Variants in NR3C1 observed in about 807,000 individuals in gnomAD.
NR3C1 encodes the protein nuclear receptor subfamily 3 group C member 1.
A neutral mutation model predicts 74.0 loss-of-function variants in NR3C1; 14 were observed. The observed-to-expected ratio is 0.19, with a 90% confidence interval of 0.12 to 0.30. The LOEUF is 0.30. Ranked by LOEUF, NR3C1 falls within the 10% of genes least tolerant of loss-of-function variation. The probability of loss-of-function intolerance (pLI) is 1.00; values close to 1 mark genes in which losing one functional copy is unlikely to be tolerated. For synonymous variants in NR3C1, 308 were observed against 332.5 expected (o/e 0.93, Z 0.80); for missense variants, 695 against 909.8 (o/e 0.76, Z 3.04).
At chr5:143,414,791 A>G (rs775259869) in intron 1 of NR3C1, among the ~76,000 whole-genome samples, 1 of 152,214 alleles carries the variant, frequency 6.6e-6, no homozygotes. Context: ...TTGAATGGCT[A>G]TTTTGTGCTT....
At chr5:143,390,191 A>G (rs1304100237) in intron 2 of NR3C1, among the ~76,000 whole-genome samples, 2 of 152,208 alleles carry the variant, frequency 1.3e-5, no homozygotes, top group African/African-American at 4.8e-5. Flanking sequence ...AGTAGTAACA[A>G]AATTCATTTA....
At chr5:143,345,975 T>C (rs1424287463) in intron 2 of NR3C1, among the ~76,000 whole-genome samples, 1 of 152,192 alleles carries the variant, frequency 6.6e-6, no homozygotes, top group Non-Finnish European at 1.5e-5. Context: ...CTACTGATGA[T>C]GTTAAGTGAG....
chr5:143,404,470 T>G (rs1840936350), upstream of NR3C1: 1 of 984,950 alleles, frequency 1.0e-6, no homozygotes, highest in Admixed American at 6.2e-5. Flanking sequence ...GCTCTCGCAC[T>G]GGGAGAGAAG....
At position 143,426,456 on chromosome 5, in the gene NR3C1, T is replaced by C. The variant is rs78180178; in HGVS notation, c.-14+8076A>G. 9.1e-4 allele frequency among the ~76,000 whole-genome samples: 138 copies of C among 152,358 alleles called. 1 individual carries two copies. Among genetic ancestry groups the C allele is most frequent in the African/African-American group, 3.2e-3 (134 of 41,586 alleles). On this transcript the variant is annotated intron_variant, in intron 1 of 8. Transcript: ENST00000343796. The stretch of plus-strand genomic sequence containing the variant: ...CTATTTTCTTTGGAATGTTGATACA[T>C]TGATACAAATCAGCTAAAATAATAA...
At chr5:143,434,574 C>G in exon 1 of NR3C1, 2 of 985,406 alleles carry the variant, frequency 2.0e-6, no homozygotes, top group Non-Finnish European at 2.4e-6. Context: ...CTTCTTTGTT[C>G]TTTGAGGAAA....
At chr5:143,291,913 T>TA in intron 7 of NR3C1, among the ~76,000 whole-genome samples, 1 of 152,246 alleles carries the variant, frequency 6.6e-6, no homozygotes, top group East Asian at 1.9e-4. Context: ...GTAAATTCCC[T>TA]ATCTGATAAT....
chr5:143,284,211 G>A (rs1813775654), intron 7 of NR3C1, among the ~76,000 whole-genome samples: 1 of 152,082 alleles, frequency 6.6e-6, no homozygotes, highest in South Asian at 2.1e-4. Context: ...CTCCCAAAGT[G>A]CTGGGATTTC....
At chr5:143,336,609 A>G (rs1827168330) in intron 2 of NR3C1, among the ~76,000 whole-genome samples, 1 of 152,200 alleles carries the variant, frequency 6.6e-6, no homozygotes, top group South Asian at 2.1e-4. Context: ...TTTTTATAGA[A>G]ATGGTAGGTC....
chr5:143,386,285 C>A (rs1180984394), intron 2 of NR3C1, among the ~76,000 whole-genome samples: 1 of 152,138 alleles, frequency 6.6e-6, no homozygotes, highest in African/African-American at 2.4e-5. Flanking sequence ...GGTGGGGATA[C>A]AGAGCCAAAC....
chr5:143,382,786 T>C (rs1836491564), intron 2 of NR3C1, among the ~76,000 whole-genome samples: 1 of 152,214 alleles, frequency 6.6e-6, no homozygotes, highest in Non-Finnish European at 1.5e-5. Context: ...TACTTCTTCG[T>C]GGTTTGTGTA....
chr5:143,364,076 C>A (rs747302916), intron 2 of NR3C1, among the ~76,000 whole-genome samples: 2 of 152,122 alleles, frequency 1.3e-5, no homozygotes, highest in Non-Finnish European at 2.9e-5. Flanking sequence ...TAATAAAGTA[C>A]ACACCTAAAT....
At chr5:143,380,687 T>G (rs1836052149) in intron 2 of NR3C1, among the ~76,000 whole-genome samples, 1 of 152,024 alleles carries the variant, frequency 6.6e-6, no homozygotes, top group Non-Finnish European at 1.5e-5. Context: ...GAGAGCCAAA[T>G]AGGAAGCATA....
In NR3C1 at chr5:143,400,172, C is replaced by G. The variant is rs1328010001; in HGVS notation, c.668G>C (p.Cys223Ser). Residue 223 changes from cysteine to serine, a missense_variant, in exon 2 of 9, where the codon TGT becomes TCT. By Grantham distance (112) the Cys-to-Ser change is moderately radical. Transcript: ENST00000394464. ...WRSDLLIDEN[C>S]LLSPLAGEDD... is the part of the protein sequence containing the mutation. ...TTCTCCCGCCAGAGGAGAAAGCAAACAGTTTTCATCTATCAACAGGTCTGA... is the reference window on the plus strand; with the variant it reads ...TTCTCCCGCCAGAGGAGAAAGCAAAGAGTTTTCATCTATCAACAGGTCTGA... The G allele has an allele frequency of 6.2e-7, 1 of 1,613,994 alleles. No individual in the cohort carries two copies. The highest frequency in any genetic ancestry group is 1.1e-5 in the South Asian group (1 of 91,084).
chr5:143,360,989 C>A (rs1036698268), intron 2 of NR3C1, among the ~76,000 whole-genome samples: 1 of 152,154 alleles, frequency 6.6e-6, no homozygotes, highest in Non-Finnish European at 1.5e-5. Flanking sequence ...AACAAATAAG[C>A]TATCCTATAG....
intron 1 of NR3C1, chr5:143,402,801 G>A (rs1840574124): frequency 1.0e-6 from 1 of 985,312 alleles, no homozygotes; most frequent in African/African-American, 1.7e-5. Context: ...CAAATATTCG[G>A]GCGAGTAAAA....
intron 2 of NR3C1, among the ~76,000 whole-genome samples, chr5:143,399,015 G>A (rs1839761864): frequency 6.6e-6 from 1 of 152,160 alleles, no homozygotes; most frequent in Non-Finnish European, 1.5e-5. Context: ...AGATTGATCA[G>A]CAGACATAAC....
rs762480353 is a variant in NR3C1 at position 143,400,724 on chromosome 5, A to G, written c.116T>C (p.Val39Ala). The G allele has an allele frequency of 6.2e-7, 1 of 1,614,208 alleles. No homozygotes were observed. Among genetic ancestry groups the G allele is most frequent in the Non-Finnish European group, 8.5e-7 (1 of 1,180,030 alleles). ...TGAGGGTGAAGACGCAGAAACCTTC[A>G]CAGTAGCTCCTCCTCTTAGGGTTTT... is the stretch of plus-strand genomic sequence containing the variant. ...FYKTLRGGAT[V>A]KVSASSPSLA... Residue 39 changes from valine to alanine, a missense_variant, in exon 2 of 9, where the codon GTG (valine) becomes GCG (alanine). Physicochemically the swap from Val to Ala is moderately conservative, Grantham distance 64. This residue lies in a region of NR3C1 where 497 missense variants were observed against 489.5 expected (regional missense o/e 1.02). Transcript: ENST00000394464.
At chr5:143,350,451 G>C (rs938595083) in intron 2 of NR3C1, among the ~76,000 whole-genome samples, 1 of 152,122 alleles carries the variant, frequency 6.6e-6, no homozygotes, top group African/African-American at 2.4e-5. Context: ...TCTGCTTTGG[G>C]GTTGATAGCA....
At chr5:143,360,062 A>C (rs1831941520) in intron 2 of NR3C1, among the ~76,000 whole-genome samples, 1 of 152,266 alleles carries the variant, frequency 6.6e-6, no homozygotes, top group South Asian at 2.1e-4. Flanking sequence ...TGTACAGTTT[A>C]AGTGGTATTT....
Sources: allele counts gnomAD v4.1 joint callset (sites outside exome capture counted in the v4.1 genomes callset), GRCh38; gene constraint gnomAD v4.1.1; regional missense constraint gnomAD v4.1.1; transcripts MANE v1.5; gene names NCBI Gene and HGNC (gene_info 2026-07-23, HGNC 2026-07-21).